The following CASK variants were observed in gnomAD, a reference collection of about 807,000 sequenced individuals.
CASK encodes calcium/calmodulin dependent serine protein kinase, also known as peripheral plasma membrane protein CASK.
CASK carries 4 observed loss-of-function variants against 82.9 expected under a neutral mutation model. That is an observed-to-expected ratio of 0.05 (90% CI 0.02 to 0.11). CASK has a LOEUF of 0.11. Among genes scored for constraint, CASK ranks in the 10% least tolerant of loss-of-function variants. The pLI, the probability that CASK is intolerant of heterozygous loss-of-function variation, is 1.00. For synonymous variants in CASK, 259 were observed against 253.5 expected, an observed-to-expected ratio of 1.02 and a Z score of -0.20; for missense variants, 358 against 720.9, an observed-to-expected ratio of 0.50 and a Z score of 5.76.
rs181066988 is a variant in CASK, at chrX:41,725,744, T to C, written c.429+13640A>G. Among the ~76,000 whole-genome samples, 17 of 112,413 alleles carry C rather than the reference T, an allele frequency of 1.5e-4. 1 individual carries two copies. The East Asian group carries it at 3.9e-3, about 26-fold the overall frequency. Reference sequence around the variant, plus strand: ...AGACAGAAAAAAGTAAAAACCAGCATTTATGTTGTGATTAAAACATCATAT... The same window carrying C: ...AGACAGAAAAAAGTAAAAACCAGCACTTATGTTGTGATTAAAACATCATAT... On this transcript the variant is annotated intron_variant, in intron 5 of 26. Transcript: ENST00000378163.
chrX:41,872,156 A>G (rs918243226), intron 1 of CASK, among the ~76,000 whole-genome samples: 10 of 112,815 alleles, frequency 8.9e-5, no homozygotes, highest in Non-Finnish European at 1.7e-4. Context: ...GGTTGTGACA[A>G]AAACGGTATG....
chrX:41,809,918 T>C (rs2070230725), intron 2 of CASK, among the ~76,000 whole-genome samples: 1 of 112,417 alleles, frequency 8.9e-6, no homozygotes. Flanking sequence ...CTGAAAATCA[T>C]GGCACGAGAA....
At position 41,559,856 on chromosome X, in the gene CASK, G is replaced by T. The variant is rs562152407; in HGVS notation, c.1669-9C>A. The T allele has an allele frequency of 2.8e-4, 334 of 1,197,417 alleles. 5 individuals are homozygous for T. The South Asian group carries it at 5.3e-3, about 19-fold the overall frequency. Reference sequence around the variant, plus strand: ...CTCCCCCGCATTTCCCTCTGGAGGGGGGGTGGTGGGAAAGAAAGAAAAGTT... The same window carrying T: ...CTCCCCCGCATTTCCCTCTGGAGGGTGGGTGGTGGGAAAGAAAGAAAAGTT... On this transcript the variant is annotated splice_polypyrimidine_tract_variant and intron_variant, in intron 17 of 26. Coordinates refer to ENST00000378163, the MANE Select transcript of CASK (RefSeq NM_001367721.1).
intron 1 of CASK, among the ~76,000 whole-genome samples, chrX:41,865,369 AC>A (rs1267653575): frequency 5.5e-5 from 6 of 109,904 alleles, no homozygotes; most frequent in African/African-American, 2.0e-4. Context: ...ACCATTCTTG[AC>A]CCTTTTTTTT....
At chrX:41,637,242 C>T (rs1044799756) in intron 8 of CASK, among the ~76,000 whole-genome samples, 1 of 109,794 alleles carries the variant, frequency 9.1e-6, no homozygotes, top group Admixed American at 9.8e-5. Context: ...GTGTAAGCCA[C>T]TCTGCCTGGC....
intron 5 of CASK, among the ~76,000 whole-genome samples, chrX:41,687,905 C>A (rs1050423785): frequency 9.7e-6 from 1 of 102,939 alleles, no homozygotes; most frequent in Non-Finnish European, 2.0e-5. Flanking sequence ...CTGCAGTGAG[C>A]CGAGATTGTG....
chrX:41,595,285 T>C (rs2065804594), intron 12 of CASK, among the ~76,000 whole-genome samples: 1 of 112,284 alleles, frequency 8.9e-6, no homozygotes, highest in Non-Finnish European at 1.9e-5. Flanking sequence ...TCTGACTTAC[T>C]TTATACAACT....
chrX:41,600,710 C>T (rs913567747), intron 12 of CASK, among the ~76,000 whole-genome samples: 2 of 112,130 alleles, frequency 1.8e-5, no homozygotes, highest in East Asian at 2.8e-4. Context: ...CATTCCTTCA[C>T]GAAGATGTAT....
chrX:41,693,975 T>C (rs1452677863), intron 5 of CASK, among the ~76,000 whole-genome samples: 1 of 112,061 alleles, frequency 8.9e-6, no homozygotes, highest in East Asian at 2.8e-4. Flanking sequence ...GTGTATAAGA[T>C]CAAATCAGGG....
chrX:41,750,776 T>C (rs1005341774), intron 3 of CASK, among the ~76,000 whole-genome samples: 33 of 112,225 alleles, frequency 2.9e-4, no homozygotes, highest in Non-Finnish European at 2.3e-4. Flanking sequence ...TGGCTGCACA[T>C]TGAGGGAGAT....
chrX:41,633,259 G>A (rs2066504212), intron 9 of CASK, among the ~76,000 whole-genome samples: 1 of 110,677 alleles, frequency 9.0e-6, no homozygotes, highest in South Asian at 3.8e-4. Flanking sequence ...CTTCACTGTG[G>A]GGAATTTGCT....
chrX:41,750,204 T>C (rs2068763935), intron 3 of CASK, among the ~76,000 whole-genome samples: 1 of 112,334 alleles, frequency 8.9e-6, no homozygotes. Flanking sequence ...TCATGAGATA[T>C]AGAAATAAAA....
intron 4 of CASK, among the ~76,000 whole-genome samples, chrX:41,740,251 ATC>A (rs1394894477): frequency 9.0e-6 from 1 of 111,373 alleles, no homozygotes; most frequent in Non-Finnish European, 1.9e-5. Flanking sequence ...TTCTCTGAGT[ATC>A]TGTTTCATTT....
chrX:41,892,222 ATT>A (rs753034665), intron 1 of CASK, among the ~76,000 whole-genome samples: 18 of 90,210 alleles, frequency 2.0e-4, no homozygotes, highest in Non-Finnish European at 1.4e-4. Context: ...TTCAACGAGA[ATT>A]TTTTTTTTTT....
chrX:41,824,614 T>C (rs2070619540), intron 2 of CASK, among the ~76,000 whole-genome samples: 1 of 111,973 alleles, frequency 8.9e-6, no homozygotes, highest in South Asian at 3.8e-4. Context: ...GCTGGCAAGG[T>C]ACTCTCCTTG....
At chrX:41,702,716 C>T (rs1432828226) in intron 5 of CASK, among the ~76,000 whole-genome samples, 3 of 112,192 alleles carry the variant, frequency 2.7e-5, no homozygotes, top group African/African-American at 9.7e-5. Flanking sequence ...ATCGCTTGAA[C>T]CTGGCAGGTG....
At chrX:41,678,867 C>A (rs745392673) in intron 5 of CASK, among the ~76,000 whole-genome samples, 5 of 110,186 alleles carry the variant, frequency 4.5e-5, no homozygotes, top group African/African-American at 1.7e-4. Flanking sequence ...TTTTAATACA[C>A]CTTAGCACAC....
intron 1 of CASK, among the ~76,000 whole-genome samples, chrX:41,869,847 A>G (rs1208650879): frequency 9.6e-6 from 1 of 103,857 alleles, no homozygotes; most frequent in Non-Finnish European, 2.0e-5. Context: ...GCCAAAATTT[A>G]AAACTCAATG....
intron 3 of CASK, among the ~76,000 whole-genome samples, chrX:41,759,532 T>C (rs113033624): frequency 0.038 from 4,279 of 111,291 alleles, 103 homozygotes; most frequent in Non-Finnish European, 0.058. Flanking sequence ...TATGGGATTT[T>C]TTCCCCTATC....
Sources: gnomAD v4.1 joint callset for allele counts (sites outside exome capture counted in the v4.1 genomes callset) on GRCh38, gnomAD v4.1.1 for gene constraint, MANE v1.5 for transcripts, NCBI Gene and HGNC (gene_info 2026-07-23, HGNC 2026-07-21) for gene names.